The following SUPT3H variants were observed in gnomAD, a reference collection of about 807,000 sequenced individuals.
SUPT3H encodes the protein SPT3 homolog, SAGA and STAGA complex component, also known as transcription initiation protein SPT3 homolog.
SUPT3H carries 44 observed loss-of-function variants against 44.3 expected under a neutral mutation model. The observed-to-expected ratio is 0.99, with a 90% CI of 0.78 to 1.28. SUPT3H has a LOEUF of 1.28. Ranked by LOEUF, SUPT3H falls within the 50% of genes most tolerant of loss-of-function variation. The pLI is 0.00. For synonymous variants in SUPT3H, 124 were observed against 125.6 expected (o/e 0.99, Z 0.09); for missense variants, 380 against 387.1 (o/e 0.98, Z 0.15).
intron 9 of SUPT3H, among the ~76,000 whole-genome samples, chr6:44,947,918 C>G (rs2153471158): frequency 6.6e-6 from 1 of 152,240 alleles, no homozygotes; most frequent in Non-Finnish European, 1.5e-5. Flanking sequence ...ACAATATCAT[C>G]ATGACATGGG....
intron 3 of SUPT3H, among the ~76,000 whole-genome samples, chr6:45,068,165 G>C (rs1260430364): frequency 6.7e-6 from 1 of 150,160 alleles, no homozygotes; most frequent in African/African-American, 2.5e-5. Flanking sequence ...CCTTTGTAGG[G>C]ACATGGATGA....
chr6:44,963,138 A>G (rs1776284860), intron 6 of SUPT3H, among the ~76,000 whole-genome samples: 1 of 151,808 alleles, frequency 6.6e-6, no homozygotes, highest in African/African-American at 2.4e-5. Context: ...TTCTTTTTTT[A>G]TATATATACA....
chr6:45,293,152 G>A (rs567831147), intron 2 of SUPT3H, among the ~76,000 whole-genome samples: 4 of 152,116 alleles, frequency 2.6e-5, no homozygotes, highest in Non-Finnish European at 5.9e-5. Flanking sequence ...AAACCACAGT[G>A]GGATAAAACT....
At chr6:45,061,373 A>T (rs1791994476) in intron 3 of SUPT3H, among the ~76,000 whole-genome samples, 1 of 152,198 alleles carries the variant, frequency 6.6e-6, no homozygotes, top group Non-Finnish European at 1.5e-5. Context: ...GCATGTTCTC[A>T]TTTATAAGTG....
chr6:45,293,220 C>T (rs1230218858), intron 2 of SUPT3H, among the ~76,000 whole-genome samples: 1 of 152,114 alleles, frequency 6.6e-6, no homozygotes, highest in Non-Finnish European at 1.5e-5. Context: ...AATTAAACAA[C>T]CTGCTCCTGA....
intron 2 of SUPT3H, among the ~76,000 whole-genome samples, chr6:45,217,164 T>A (rs1194729499): frequency 6.6e-6 from 1 of 151,602 alleles, no homozygotes; most frequent in Admixed American, 6.6e-5. Flanking sequence ...AAAAATAAAG[T>A]TTCTACATTT....
chr6:45,233,584 C>T (rs1432485811), intron 2 of SUPT3H, among the ~76,000 whole-genome samples: 1 of 152,236 alleles, frequency 6.6e-6, no homozygotes, highest in Non-Finnish European at 1.5e-5. Context: ...CAATATCAAG[C>T]CCCTATGGGC....
intron 2 of SUPT3H, among the ~76,000 whole-genome samples, chr6:45,304,643 C>T (rs1782704716): frequency 6.6e-6 from 1 of 152,040 alleles, no homozygotes; most frequent in African/African-American, 2.4e-5. Context: ...ATTAGGAATA[C>T]AGGGTGAGAA....
intron 10 of SUPT3H, among the ~76,000 whole-genome samples, chr6:44,884,093 A>T (rs578002181): frequency 3.9e-5 from 6 of 152,280 alleles, no homozygotes; most frequent in Non-Finnish European, 8.8e-5. Flanking sequence ...ATGGGTGAAA[A>T]TTTTTGCAAT....
At chr6:45,369,868 T>A (rs552564450) in intron 1 of SUPT3H, among the ~76,000 whole-genome samples, 2 of 152,246 alleles carry the variant, frequency 1.3e-5, no homozygotes, top group East Asian at 3.9e-4. Context: ...GCATTTAATA[T>A]AAGATCTGGG....
intron 2 of SUPT3H, among the ~76,000 whole-genome samples, chr6:45,222,897 G>T (rs897725885): frequency 3.3e-5 from 5 of 152,106 alleles, no homozygotes; most frequent in Non-Finnish European, 7.4e-5. Context: ...CAACAACATG[G>T]ATGAATCTTC....
At chr6:45,079,154 C>T (rs2153557390) in intron 3 of SUPT3H, among the ~76,000 whole-genome samples, 1 of 152,096 alleles carries the variant, frequency 6.6e-6, no homozygotes, top group Non-Finnish European at 1.5e-5. Flanking sequence ...CAACAAAATA[C>T]AAAAAATTAG....
intron 10 of SUPT3H, among the ~76,000 whole-genome samples, chr6:44,867,099 G>A (rs957449309): frequency 5.3e-5 from 8 of 151,030 alleles, no homozygotes; most frequent in South Asian, 2.1e-4. Flanking sequence ...TTTGGGCCAC[G>A]AATAATTAAA....
At chr6:45,018,259 G>A (rs1448365161) in intron 4 of SUPT3H, among the ~76,000 whole-genome samples, 1 of 152,052 alleles carries the variant, frequency 6.6e-6, no homozygotes, top group East Asian at 1.9e-4. Flanking sequence ...GAGACGATGG[G>A]GTTTTCTAGA....
intron 2 of SUPT3H, among the ~76,000 whole-genome samples, chr6:45,280,881 A>C (rs1230476726): frequency 6.6e-6 from 1 of 152,230 alleles, no homozygotes; most frequent in Non-Finnish European, 1.5e-5. Flanking sequence ...TAAATATTTA[A>C]AACTTCCTAA....
At chr6:45,117,499 G>A (rs1801012564) in intron 2 of SUPT3H, among the ~76,000 whole-genome samples, 1 of 151,966 alleles carries the variant, frequency 6.6e-6, no homozygotes. Context: ...GTTCATCAGG[G>A]TATAATGACT....
intron 6 of SUPT3H, among the ~76,000 whole-genome samples, chr6:44,998,015 T>C (rs1366949909): frequency 1.3e-5 from 2 of 151,946 alleles, no homozygotes; most frequent in Non-Finnish European, 2.9e-5. Context: ...TTTCATTATA[T>C]ATACTTTCAA....
intron 2 of SUPT3H, among the ~76,000 whole-genome samples, chr6:45,258,452 G>C (rs181169918): frequency 2.0e-5 from 3 of 152,280 alleles, no homozygotes; most frequent in Admixed American, 2.0e-4. Context: ...ATCTTGATCA[G>C]TCAAATCAAT....
intron 3 of SUPT3H, among the ~76,000 whole-genome samples, chr6:45,076,376 T>C (rs1221447696): frequency 2.0e-5 from 3 of 152,204 alleles, no homozygotes; most frequent in Non-Finnish European, 2.9e-5. Context: ...CAGCTTCCTT[T>C]GTTTAACATT....
Sources: gnomAD v4.1 joint callset for allele counts (sites outside exome capture counted in the v4.1 genomes callset) on GRCh38, gnomAD v4.1.1 for gene constraint, MANE v1.5 for transcripts, NCBI Gene and HGNC (gene_info 2026-07-23, HGNC 2026-07-21) for gene names.